The following C2orf76 variants were observed in gnomAD, a reference collection of about 807,000 sequenced individuals.
C2orf76 encodes UPF0538 protein C2orf76.
In C2orf76, 23 loss-of-function variants were observed where a neutral mutation model predicts 16.9. The observed-to-expected ratio is 1.36, with a 90% CI of 0.98 to 1.93. The LOEUF is 1.93. C2orf76 is among the 30% of genes most tolerant of loss of function. The pLI, the probability that C2orf76 is intolerant of heterozygous loss-of-function variation, is 0.00. For synonymous variants in C2orf76, 48 were observed against 52.3 expected (o/e 0.92, Z 0.35); for missense variants, 152 against 152.6 (o/e 1.00, Z 0.02).
chr2:119,285,263 T>C, the C2orf76 span, among the ~76,000 whole-genome samples: 1 of 152,232 alleles, frequency 6.6e-6, no homozygotes, highest in Non-Finnish European at 1.5e-5. Flanking sequence ...TAACATGATA[T>C]AGTGCGATAG....
intron 2 of C2orf76, among the ~76,000 whole-genome samples, chr2:119,327,554 G>A (rs924119906): frequency 2.0e-5 from 3 of 151,834 alleles, no homozygotes; most frequent in Admixed American, 6.6e-5. Context: ...TAATGGGTGC[G>A]TTCCTCCTCT....
chr2:119,290,392 G>A, the C2orf76 span, among the ~76,000 whole-genome samples: 3 of 152,112 alleles, frequency 2.0e-5, no homozygotes, highest in Non-Finnish European at 1.5e-5. Context: ...TTTCCAAAGC[G>A]TTGACACATT....
intron 1 of C2orf76, among the ~76,000 whole-genome samples, chr2:119,346,489 A>G (rs1325470416): frequency 6.6e-6 from 1 of 152,230 alleles, no homozygotes; most frequent in African/African-American, 2.4e-5. Flanking sequence ...ACAGGCAACA[A>G]TCAGGGTGAA....
At chr2:119,322,204 G>A (rs964352718) in intron 2 of C2orf76, among the ~76,000 whole-genome samples, 6 of 151,904 alleles carry the variant, frequency 3.9e-5, no homozygotes, top group Admixed American at 6.6e-5. Context: ...GTGAATGAAC[G>A]AATTTATTGA....
chr2:119,321,035 A>G, intron 3 of C2orf76, 119 bp downstream of exon 3: 2 of 508,304 alleles, frequency 3.9e-6, no homozygotes, highest in Non-Finnish European at 6.8e-6. Flanking sequence ...ATTTCTAAAT[A>G]AACTTCCAAA....
chr2:119,328,980 T>G (rs1477031072), intron 2 of C2orf76, among the ~76,000 whole-genome samples: 1 of 152,220 alleles, frequency 6.6e-6, no homozygotes, highest in East Asian at 1.9e-4. Context: ...TTAAAATCGA[T>G]TAAGACTTGT....
At chr2:119,333,501 C>T (rs1364900963) in intron 2 of C2orf76, among the ~76,000 whole-genome samples, 7 of 152,236 alleles carry the variant, frequency 4.6e-5, no homozygotes, top group Non-Finnish European at 1.5e-5. Flanking sequence ...AAGGCATAAA[C>T]TGACATTCAG....
chr2:119,328,657 G>C (rs1679583746), intron 2 of C2orf76, among the ~76,000 whole-genome samples: 1 of 151,852 alleles, frequency 6.6e-6, no homozygotes, highest in African/African-American at 2.4e-5. Context: ...TTGCTTTTCT[G>C]TTTCTAGTTT....
chr2:119,303,796 T>C (rs1678689100), intron 5 of C2orf76, among the ~76,000 whole-genome samples: 1 of 152,176 alleles, frequency 6.6e-6, no homozygotes, highest in Non-Finnish European at 1.5e-5. Context: ...TAGTCACAGA[T>C]CCTCATTCCA....
chr2:119,322,158 C>T (rs1323244250), intron 2 of C2orf76, among the ~76,000 whole-genome samples: 1 of 152,028 alleles, frequency 6.6e-6, no homozygotes, highest in East Asian at 1.9e-4. Context: ...TATGCACATA[C>T]TCCTTGACCT....
chr2:119,329,842 TA>T (rs1337087312), intron 2 of C2orf76, among the ~76,000 whole-genome samples: 9 of 152,238 alleles, frequency 5.9e-5, no homozygotes, highest in South Asian at 2.1e-4. Flanking sequence ...AATGGTCAAA[TA>T]TTTTTTTTAA....
intron 5 of C2orf76, among the ~76,000 whole-genome samples, chr2:119,307,438 TA>T (rs10597338): frequency 0.15 from 21,978 of 143,690 alleles, 2,497 homozygotes; most frequent in African/African-American, 0.33. Context: ...GACTCTGTCT[TA>T]AAAAAAAAAA....
At chr2:119,338,556 G>C (rs1294067232) in intron 2 of C2orf76, among the ~76,000 whole-genome samples, 4 of 152,194 alleles carry the variant, frequency 2.6e-5, no homozygotes, top group Non-Finnish European at 5.9e-5. Flanking sequence ...GGGAAGAGGA[G>C]AGAGGGGAGA....
chr2:119,351,336 G>A (rs926056396), intron 1 of C2orf76, among the ~76,000 whole-genome samples: 11 of 152,140 alleles, frequency 7.2e-5, no homozygotes, highest in African/African-American at 1.7e-4. Flanking sequence ...GCACGTCTGC[G>A]CTATGCTTGG....
chr2:119,302,567 T>A lies in C2orf76; in HGVS notation c.305-19A>T. 1.4e-6 allele frequency: 2 copies of A among 1,458,700 alleles called. No homozygotes were observed. Among genetic ancestry groups the A allele is most frequent in the Admixed American group, 2.1e-5 (1 of 47,998 alleles). 90.4% of individuals were successfully genotyped at this position (1,458,700 alleles called of 1,614,324 possible). A position where few individuals can be genotyped will look rare whatever the true frequency, so the allele number is the denominator to read the frequency against. ...TCACTGGCTGAAAAAAAACAGAAAA[T>A]GGAAAAAAAGATTTTAATGTAAATC... On this transcript the variant is annotated intron_variant, in intron 5 of 5. Coordinates refer to ENST00000334816, the MANE Select transcript of C2orf76 (RefSeq NM_001322331.2).
chr2:119,295,336 G>A, the C2orf76 span, among the ~76,000 whole-genome samples: 1 of 152,158 alleles, frequency 6.6e-6, no homozygotes, highest in Non-Finnish European at 1.5e-5. Flanking sequence ...TGTATAGTCC[G>A]ATGGCATAAG....
At position 119,302,262 on chromosome 2, in the gene C2orf76, CA is replaced by C. The variant is rs777683368; in HGVS notation, c.*209del. The C allele has an allele frequency of 5.5e-6, 2 of 366,650 alleles. No homozygotes were observed. Among genetic ancestry groups the C allele is most frequent in the Non-Finnish European group, 9.9e-6 (2 of 202,450 alleles). The allele number at this position is 366,650 out of a possible 1,614,324, so 22.7% of individuals were successfully genotyped here. ...ACAATTTATTTCCCTTTAAAAAGAT[CA>C]AATGTTTTTCTCATAATATATTATT... is the stretch of plus-strand genomic sequence containing the variant. On this transcript the variant is annotated 3_prime_UTR_variant, in exon 6 of 6. Transcript: ENST00000334816.
intron 2 of C2orf76, among the ~76,000 whole-genome samples, chr2:119,337,943 G>T (rs760309813): frequency 6.6e-6 from 1 of 152,154 alleles, no homozygotes; most frequent in Non-Finnish European, 1.5e-5. Flanking sequence ...TATTCTCAAG[G>T]ACTTCAAGAA....
At chr2:119,313,757 C>G (rs1366244389) in intron 4 of C2orf76, among the ~76,000 whole-genome samples, 1 of 152,084 alleles carries the variant, frequency 6.6e-6, no homozygotes, top group Non-Finnish European at 1.5e-5. Context: ...CTGTTTCCCA[C>G]ACCCTCCCAA....
Sources: gnomAD v4.1 joint callset for allele counts (sites outside exome capture counted in the v4.1 genomes callset) on GRCh38, gnomAD v4.1.1 for gene constraint, MANE v1.5 for transcripts, NCBI Gene and HGNC (gene_info 2026-07-23, HGNC 2026-07-21) for gene names.